The following BRINP3 variants were observed in gnomAD, a reference collection of about 807,000 sequenced individuals.
BRINP3 encodes the protein BMP/retinoic acid-inducible neural-specific protein 3.
BRINP3 carries 19 observed loss-of-function variants against 71.0 expected under a neutral mutation model. That is an observed-to-expected ratio of 0.27 (90% CI 0.19 to 0.39). The LOEUF (loss-of-function observed/expected upper bound fraction) is 0.39. Ranked by LOEUF, BRINP3 falls within the 10% of genes least tolerant of loss-of-function variation. The pLI, the probability that BRINP3 is intolerant of heterozygous loss-of-function variation, is 1.00. For synonymous variants in BRINP3, 380 were observed against 337.7 expected (o/e 1.13, Z -1.37); for missense variants, 959 against 940.8 (o/e 1.02, Z -0.25).
intron 5 of BRINP3, among the ~76,000 whole-genome samples, chr1:190,231,624 T>A (rs1326238735): frequency 6.6e-6 from 1 of 151,896 alleles, no homozygotes; most frequent in African/African-American, 2.4e-5. Context: ...AAGTATTATT[T>A]CAATATGCAT....
chr1:190,462,674 T>G (rs1202789416), intron 1 of BRINP3, among the ~76,000 whole-genome samples: 1 of 152,102 alleles, frequency 6.6e-6, no homozygotes, highest in South Asian at 2.1e-4. Flanking sequence ...TTCACGAAAT[T>G]TTCTTATTTC....
intron 2 of BRINP3, among the ~76,000 whole-genome samples, chr1:190,361,451 G>T (rs1382612282): frequency 6.6e-6 from 1 of 152,042 alleles, no homozygotes; most frequent in East Asian, 1.9e-4. Flanking sequence ...TCACCAGGCT[G>T]GAGTGCAGTG....
intron 6 of BRINP3, among the ~76,000 whole-genome samples, chr1:190,189,437 C>T (rs938707858): frequency 2.0e-5 from 3 of 151,642 alleles, no homozygotes; most frequent in South Asian, 4.2e-4. Flanking sequence ...TGTAAGCTTT[C>T]TTCATCCCTT....
intron 6 of BRINP3, among the ~76,000 whole-genome samples, chr1:190,181,108 T>C (rs1652992253): frequency 6.6e-6 from 1 of 152,084 alleles, no homozygotes; most frequent in South Asian, 2.1e-4. Flanking sequence ...CGTTTTTATC[T>C]TCATAACTTT....
intron 2 of BRINP3, among the ~76,000 whole-genome samples, chr1:190,367,406 G>A (rs571039037): frequency 3.5e-4 from 53 of 152,224 alleles, no homozygotes; most frequent in Admixed American, 1.6e-3. Flanking sequence ...CCTGGGCCTC[G>A]CCCACAAAAC....
At chr1:190,353,619 T>A (rs560335597) in intron 2 of BRINP3, among the ~76,000 whole-genome samples, 1 of 152,040 alleles carries the variant, frequency 6.6e-6, no homozygotes, top group African/African-American at 2.4e-5. Context: ...CTTGTACTTA[T>A]ACATGTGTAT....
intron 5 of BRINP3, among the ~76,000 whole-genome samples, chr1:190,232,994 T>G (rs762070206): frequency 6.6e-6 from 1 of 152,178 alleles, no homozygotes; most frequent in Non-Finnish European, 1.5e-5. Flanking sequence ...TGGATAACAT[T>G]TAAATTGTTA....
intron 6 of BRINP3, among the ~76,000 whole-genome samples, chr1:190,202,881 C>G (rs1655130147): frequency 6.6e-6 from 1 of 152,054 alleles, no homozygotes; most frequent in African/African-American, 2.4e-5. Flanking sequence ...TCTTTATCAG[C>G]AGCATGAAAA....
chr1:190,468,151 T>C (rs961733644), intron 1 of BRINP3, among the ~76,000 whole-genome samples: 4 of 151,348 alleles, frequency 2.6e-5, no homozygotes, highest in Non-Finnish European at 4.4e-5. Flanking sequence ...GCAAATTGTC[T>C]TCAGCTTTGA....
chr1:190,340,681 T>C (rs569128059), intron 2 of BRINP3, among the ~76,000 whole-genome samples: 1 of 151,764 alleles, frequency 6.6e-6, no homozygotes, highest in South Asian at 2.1e-4. Context: ...TTTCCCCACA[T>C]GCATACTAGA....
intron 2 of BRINP3, among the ~76,000 whole-genome samples, chr1:190,408,203 AT>A (rs55768635): frequency 0.22 from 31,254 of 140,980 alleles, 3,335 homozygotes; most frequent in African/African-American, 0.27. Context: ...TTATTTATTT[AT>A]TTTTTTTTTT....
intron 2 of BRINP3, among the ~76,000 whole-genome samples, chr1:190,453,567 T>C (rs904804317): frequency 6.6e-6 from 1 of 152,138 alleles, no homozygotes; most frequent in Non-Finnish European, 1.5e-5. Flanking sequence ...ATTAGGCTTA[T>C]GACAGTGTTA....
chr1:190,211,176 C>CA (rs1174534198), intron 6 of BRINP3, among the ~76,000 whole-genome samples: 1 of 151,952 alleles, frequency 6.6e-6, no homozygotes, highest in African/African-American at 2.4e-5. Flanking sequence ...CAATTCTCCT[C>CA]AAAAAACTGC....
chr1:190,098,412 T>C lies in BRINP3; in HGVS notation c.1907A>G (p.Asn636Ser), dbSNP rs372106848. Residue 636 changes from asparagine (N) to serine (S), a missense_variant, in exon 8 of 8, where the codon AAT becomes AGT. Coordinates refer to ENST00000367462, the MANE Select transcript of BRINP3 (RefSeq NM_199051.3). Reference protein sequence around the residue: ...HIYLRSRIKSNGPNGNESIYY... With the variant: ...HIYLRSRIKSSGPNGNESIYY... Reference sequence around the variant, plus strand: ...AATGCTCTCATTACCATTGGGACCATTGGACTTGATGCGACTTCTCAGGTA... The same window carrying C: ...AATGCTCTCATTACCATTGGGACCACTGGACTTGATGCGACTTCTCAGGTA... 42 of 1,614,076 alleles carry C rather than the reference T, an allele frequency of 2.6e-5. No homozygotes were observed. Among genetic ancestry groups the C allele is most frequent in the African/African-American group, 1.6e-4 (12 of 74,930 alleles).
At chr1:190,295,628 T>A (rs576541165) in intron 2 of BRINP3, among the ~76,000 whole-genome samples, 1 of 152,158 alleles carries the variant, frequency 6.6e-6, no homozygotes, top group East Asian at 1.9e-4. Context: ...GGCAGATTCC[T>A]CTCTGGTGCA....
chr1:190,468,617 A>G (rs1676923612), intron 1 of BRINP3, among the ~76,000 whole-genome samples: 1 of 151,182 alleles, frequency 6.6e-6, no homozygotes, highest in African/African-American at 2.4e-5. Context: ...TTAGCGTTAC[A>G]TTTTTGACCA....
At chr1:190,186,444 G>T (rs910955953) in intron 6 of BRINP3, among the ~76,000 whole-genome samples, 1 of 151,804 alleles carries the variant, frequency 6.6e-6, no homozygotes, top group Non-Finnish European at 1.5e-5. Flanking sequence ...TTTTTGCCTA[G>T]ATCCAGGAAA....
At chr1:190,388,345 G>A (rs184235495) in intron 2 of BRINP3, among the ~76,000 whole-genome samples, 43 of 151,880 alleles carry the variant, frequency 2.8e-4, no homozygotes, top group Middle Eastern at 6.8e-3. Flanking sequence ...GTTGAATTCT[G>A]TCAAGCCCAG....
chr1:190,287,045 C>T (rs573809272), intron 2 of BRINP3, among the ~76,000 whole-genome samples: 1 of 150,590 alleles, frequency 6.6e-6, no homozygotes, highest in South Asian at 2.1e-4. Context: ...ATGGTGAAAC[C>T]CTGTCTCTAC....
Sources: allele counts gnomAD v4.1 joint callset (sites outside exome capture counted in the v4.1 genomes callset), GRCh38; gene constraint gnomAD v4.1.1; transcripts MANE v1.5; gene names NCBI Gene and HGNC (gene_info 2026-07-23, HGNC 2026-07-21).